Variants in ANKS1B observed in about 807,000 individuals in gnomAD.
ANKS1B encodes the protein ankyrin repeat and sterile alpha motif domain-containing protein 1B.
Under a neutral mutation model 148.3 loss-of-function variants are expected in ANKS1B, and 36 were observed. The ratio of observed to expected loss-of-function variants is 0.24; its 90% CI spans 0.19 to 0.32. The LOEUF (loss-of-function observed/expected upper bound fraction) is 0.32, where lower values mean the gene tolerates loss of function less well. Ranked by LOEUF, ANKS1B falls within the 10% of genes least tolerant of loss-of-function variation. The pLI, the probability that ANKS1B is intolerant of heterozygous loss-of-function variation, is 1.00. For missense variants in ANKS1B, 1,157 were observed against 1,542.6 expected (o/e 0.75, Z 4.19); for synonymous variants, 542 against 560.8 (o/e 0.97, Z 0.47).
intron 17 of ANKS1B, among the ~76,000 whole-genome samples, chr12:98,968,300 T>C (rs2099880313): frequency 6.6e-6 from 1 of 152,096 alleles, no homozygotes; most frequent in Admixed American, 6.5e-5. Flanking sequence ...CGTGGGTATT[T>C]GTAGAAGTGC....
chr12:98,930,953 CT>C lies in ANKS1B; in HGVS notation c.2779-98818del, dbSNP rs144681921. ...CTGGCCACTCATGGTTTTCACCTCC[CT>C]TTTTTTTTTCTCCCCTATTGGGACA... is the stretch of plus-strand genomic sequence containing the variant. On this transcript the variant is annotated intron_variant, in intron 17 of 26. Coordinates refer to ENST00000683438, the MANE Select transcript of ANKS1B (RefSeq NM_001352186.2). 1.3e-3 allele frequency among the ~76,000 whole-genome samples: 197 copies of C among 148,886 alleles called. 1 individual carries two copies. The East Asian group carries it at 0.019, about 14-fold the overall frequency.
At chr12:99,836,345 G>A (rs2084854826) in intron 1 of ANKS1B, among the ~76,000 whole-genome samples, 1 of 151,784 alleles carries the variant, frequency 6.6e-6, no homozygotes. Flanking sequence ...ATAAATAATA[G>A]ATCTAGTATA....
intron 10 of ANKS1B, among the ~76,000 whole-genome samples, chr12:99,494,298 C>T (rs1005329220): frequency 1.5e-4 from 23 of 152,180 alleles, no homozygotes; most frequent in Non-Finnish European, 2.6e-4. Flanking sequence ...GGAAAATGAA[C>T]ATATTGAGAG....
chr12:99,971,655 G>A (rs991262578), intron 1 of ANKS1B, among the ~76,000 whole-genome samples: 2 of 150,736 alleles, frequency 1.3e-5, no homozygotes, highest in Non-Finnish European at 2.9e-5. Flanking sequence ...TACTAATTGA[G>A]ATCCAGGTAT....
At chr12:99,955,630 T>C (rs960008084) in intron 1 of ANKS1B, among the ~76,000 whole-genome samples, 2 of 151,862 alleles carry the variant, frequency 1.3e-5, no homozygotes, top group Non-Finnish European at 2.9e-5. Flanking sequence ...TTTACATGTG[T>C]TAAGACCTCA....
chr12:99,844,962 T>C (rs937436982), intron 1 of ANKS1B, among the ~76,000 whole-genome samples: 6 of 152,184 alleles, frequency 3.9e-5, no homozygotes, highest in Non-Finnish European at 7.3e-5. Flanking sequence ...CCTTGTTAGC[T>C]GTATTCCTAG....
intron 17 of ANKS1B, among the ~76,000 whole-genome samples, chr12:98,872,535 T>C (rs1369040215): frequency 6.6e-6 from 1 of 151,942 alleles, no homozygotes; most frequent in Non-Finnish European, 1.5e-5. Flanking sequence ...CTAGAACCTA[T>C]CTCAAAAAAA....
intron 17 of ANKS1B, among the ~76,000 whole-genome samples, chr12:98,893,868 G>A (rs1004301752): frequency 1.3e-5 from 2 of 152,332 alleles, no homozygotes; most frequent in East Asian, 3.9e-4. Context: ...GGTTTTCTTG[G>A]AGGAAAAATA....
chr12:99,810,526 A>G (rs2068218522), intron 3 of ANKS1B, among the ~76,000 whole-genome samples: 1 of 151,954 alleles, frequency 6.6e-6, no homozygotes, highest in Admixed American at 6.6e-5. Context: ...ATAACAATGA[A>G]AAAATACTAA....
At chr12:99,548,490 A>G (rs1408369085) in intron 9 of ANKS1B, among the ~76,000 whole-genome samples, 1 of 152,198 alleles carries the variant, frequency 6.6e-6, no homozygotes, top group Non-Finnish European at 1.5e-5. Flanking sequence ...TCCCCCCACC[A>G]CCATTCTACA....
At chr12:99,216,395 T>A (rs1252183122) in intron 14 of ANKS1B, among the ~76,000 whole-genome samples, 1 of 152,230 alleles carries the variant, frequency 6.6e-6, no homozygotes, top group African/African-American at 2.4e-5. Flanking sequence ...ATAATTGCTA[T>A]CCTGCAAGCT....
At position 98,882,111 on chromosome 12, in the gene ANKS1B, G is replaced by A. The variant is rs528487676; in HGVS notation, c.2779-49975C>T. 2.0e-5 allele frequency among the ~76,000 whole-genome samples: 3 copies of A among 152,130 alleles called. No homozygotes were observed. In the East Asian group the frequency reaches 5.8e-4, roughly 29 times the overall value. On this transcript the variant is annotated intron_variant, in intron 17 of 26. Transcript: ENST00000683438. ...ATCTGTAACAAGAGATACCATTGCT[G>A]ATTACATAACATTGGTGACATACTA...
At chr12:98,901,695 G>A (rs1258083627) in intron 17 of ANKS1B, among the ~76,000 whole-genome samples, 2 of 152,184 alleles carry the variant, frequency 1.3e-5, no homozygotes, top group African/African-American at 4.8e-5. Flanking sequence ...GAGAGAAAGA[G>A]TGTCTGTGGG....
At chr12:99,462,930 G>A (rs1028925375) in intron 10 of ANKS1B, among the ~76,000 whole-genome samples, 1 of 152,122 alleles carries the variant, frequency 6.6e-6, no homozygotes, top group Non-Finnish European at 1.5e-5. Context: ...CATGAGTAAA[G>A]GTTCCTGAGG....
At chr12:99,119,610 A>G (rs946860029) in intron 15 of ANKS1B, among the ~76,000 whole-genome samples, 2 of 152,204 alleles carry the variant, frequency 1.3e-5, no homozygotes, top group Non-Finnish European at 2.9e-5. Context: ...GAGCTATTAA[A>G]GCATCCTTCC....
intron 1 of ANKS1B, among the ~76,000 whole-genome samples, chr12:99,856,446 C>G (rs988742570): frequency 1.3e-5 from 2 of 151,692 alleles, no homozygotes; most frequent in South Asian, 2.1e-4. Flanking sequence ...AGTCCAGGAC[C>G]AATCAGACAT....
chr12:99,382,773 C>G (rs959438959), intron 12 of ANKS1B, among the ~76,000 whole-genome samples: 1 of 149,564 alleles, frequency 6.7e-6, no homozygotes, highest in Non-Finnish European at 1.5e-5. Context: ...AGTGTAATGT[C>G]ATGACTGCTG....
At chr12:98,927,677 A>C (rs2099809973) in intron 17 of ANKS1B, among the ~76,000 whole-genome samples, 1 of 151,978 alleles carries the variant, frequency 6.6e-6, no homozygotes, top group Non-Finnish European at 1.5e-5. Context: ...GCAGTTTTAC[A>C]TATAATTGAC....
intron 10 of ANKS1B, among the ~76,000 whole-genome samples, chr12:99,491,043 C>T (rs535762560): frequency 2.6e-5 from 4 of 152,288 alleles, no homozygotes; most frequent in African/African-American, 7.2e-5. Context: ...TAAGGCTGGG[C>T]GTAGTGGCTC....
Sources: gnomAD v4.1 joint callset for allele counts (sites outside exome capture counted in the v4.1 genomes callset) on GRCh38, gnomAD v4.1.1 for gene constraint, MANE v1.5 for transcripts, NCBI Gene and HGNC (gene_info 2026-07-23, HGNC 2026-07-21) for gene names.